The following CHRM3 variants were observed in gnomAD, a reference collection of about 807,000 sequenced individuals.
CHRM3 encodes the protein cholinergic receptor muscarinic 3, also known as muscarinic acetylcholine receptor M3.
CHRM3 carries 11 observed loss-of-function variants against 41.8 expected under a neutral mutation model. The ratio of observed to expected loss-of-function variants is 0.26; its 90% CI spans 0.17 to 0.44. CHRM3 has a LOEUF of 0.44. Among genes scored for constraint, CHRM3 ranks in the 20% least tolerant of loss-of-function variants. CHRM3 has a pLI of 1.00. For missense variants in CHRM3, 571 were observed against 745.4 expected (o/e 0.77, Z 2.72); for synonymous variants, 297 against 301.4 (o/e 0.99, Z 0.15).
chr1:239,617,266 C>A (rs1046523952), intron 3 of CHRM3, among the ~76,000 whole-genome samples: 1 of 152,178 alleles, frequency 6.6e-6, no homozygotes, highest in Non-Finnish European at 1.5e-5. Flanking sequence ...ATCTCTTTCT[C>A]GAATATTGTG....
intron 4 of CHRM3, among the ~76,000 whole-genome samples, chr1:239,635,030 T>C (rs1042467629): frequency 6.6e-6 from 1 of 152,234 alleles, no homozygotes; most frequent in African/African-American, 2.4e-5. Flanking sequence ...GCTACAGTTT[T>C]TATTTCTGGC....
In CHRM3 at chr1:239,408,875, G is replaced by A. The variant is rs193251477; in HGVS notation, c.-521+21648G>A. 3.3e-5 allele frequency among the ~76,000 whole-genome samples: 5 copies of A among 151,932 alleles called. No individual in the cohort carries two copies. The East Asian group carries it at 9.7e-4, about 30-fold the overall frequency. On this transcript the variant is annotated intron_variant, in intron 1 of 6. Coordinates refer to ENST00000676153, the MANE Select transcript of CHRM3 (RefSeq NM_001375978.1). ...GGACTCAAGCAGTCCTCCCGCTGCA[G>A]CCTCCCAAAATGCTAGGTTTATAGG...
rs879781050 is a variant in CHRM3 at position 239,776,624 on chromosome 1, G to A, written c.-146-50628G>A. Among the ~76,000 whole-genome samples, 24 of 152,204 alleles carry A rather than the reference G, an allele frequency of 1.6e-4. No individual in the cohort carries two copies. The South Asian group carries it at 3.1e-3, about 20-fold the overall frequency. On this transcript the variant is annotated intron_variant, in intron 5 of 6. Transcript: ENST00000676153. ...CCATGGGAAAAAATTCGCTAAATGA[G>A]GGCCATGCCAAGGTACTCACCATAT...
At chr1:239,793,219 A>G (rs1015767383) in intron 5 of CHRM3, among the ~76,000 whole-genome samples, 1 of 152,236 alleles carries the variant, frequency 6.6e-6, no homozygotes, top group Non-Finnish European at 1.5e-5. Flanking sequence ...ATCATTCTCC[A>G]GGGAATACTT....
rs1438064654 is a variant in CHRM3 at position 239,684,634 on chromosome 1, G to C, written c.-147+6346G>C. 2.0e-5 allele frequency among the ~76,000 whole-genome samples: 3 copies of C among 148,972 alleles called. No individual in the cohort carries two copies. The Admixed American group carries it at 2.1e-4, about 10-fold the overall frequency. On this transcript the variant is annotated intron_variant, in intron 5 of 6. Coordinates refer to ENST00000676153, the MANE Select transcript of CHRM3 (RefSeq NM_001375978.1). Reference sequence around the variant, plus strand: ...CCACTGCACTACAGCCTGGGCAACAGAGCGAGATTCCGTCTCAAAAAAAAG... The same window carrying C: ...CCACTGCACTACAGCCTGGGCAACACAGCGAGATTCCGTCTCAAAAAAAAG...
chr1:239,858,189 G>T (rs931525406), intron 6 of CHRM3, among the ~76,000 whole-genome samples: 1 of 152,070 alleles, frequency 6.6e-6, no homozygotes, highest in Non-Finnish European at 1.5e-5. Flanking sequence ...GCTCTCCCAC[G>T]CTGGCATCCT....
chr1:239,548,052 G>A (rs1441125625), intron 3 of CHRM3, among the ~76,000 whole-genome samples: 1 of 152,136 alleles, frequency 6.6e-6, no homozygotes, highest in Non-Finnish European at 1.5e-5. Context: ...GTGATGGGGA[G>A]TAAGGGCTTG....
intron 5 of CHRM3, among the ~76,000 whole-genome samples, chr1:239,762,401 T>C (rs1395539051): frequency 6.6e-6 from 1 of 152,194 alleles, no homozygotes; most frequent in African/African-American, 2.4e-5. Context: ...TTATGACACA[T>C]ACTTTTTGAA....
chr1:239,739,141 G>C (rs983994095), intron 5 of CHRM3, among the ~76,000 whole-genome samples: 2 of 152,190 alleles, frequency 1.3e-5, no homozygotes, highest in African/African-American at 4.8e-5. Context: ...TAGGTGCCCA[G>C]TTGGGCTTTT....
At chr1:239,395,677 A>G (rs1370804190) in intron 1 of CHRM3, among the ~76,000 whole-genome samples, 7 of 152,204 alleles carry the variant, frequency 4.6e-5, no homozygotes, top group Non-Finnish European at 1.5e-5. Flanking sequence ...ATTTCTAACC[A>G]GCCTTCAGGT....
intron 4 of CHRM3, among the ~76,000 whole-genome samples, chr1:239,638,928 A>T (rs1473471568): frequency 6.6e-6 from 1 of 152,134 alleles, no homozygotes; most frequent in Non-Finnish European, 1.5e-5. Flanking sequence ...TCCATCTTGA[A>T]TTAATTTTCA....
chr1:239,478,667 G>A (rs879790722), intron 1 of CHRM3, among the ~76,000 whole-genome samples: 4 of 152,172 alleles, frequency 2.6e-5, no homozygotes, highest in Admixed American at 2.6e-4. Flanking sequence ...ATGGATGGAT[G>A]AATGAGAAGA....
chr1:239,421,723 G>T (rs1020755821), intron 1 of CHRM3, among the ~76,000 whole-genome samples: 4 of 152,132 alleles, frequency 2.6e-5, no homozygotes, highest in Non-Finnish European at 1.5e-5. Context: ...CCAACCATCA[G>T]GGTGAAGCTT....
At chr1:239,720,499 A>G (rs528475776) in intron 5 of CHRM3, among the ~76,000 whole-genome samples, 1 of 152,072 alleles carries the variant, frequency 6.6e-6, no homozygotes, top group African/African-American at 2.4e-5. Context: ...CGTGCCACTC[A>G]ACGCCAGACT....
intron 5 of CHRM3, among the ~76,000 whole-genome samples, chr1:239,766,663 G>A (rs1381756774): frequency 1.6e-5 from 2 of 128,052 alleles, no homozygotes; most frequent in African/African-American, 6.1e-5. Flanking sequence ...TGATAGATAT[G>A]GATATAGATA....
chr1:239,443,417 A>G (rs1439712460), intron 1 of CHRM3, among the ~76,000 whole-genome samples: 1 of 152,174 alleles, frequency 6.6e-6, no homozygotes, highest in Non-Finnish European at 1.5e-5. Flanking sequence ...AATTTCTCTA[A>G]ATAAATAATT....
intron 3 of CHRM3, among the ~76,000 whole-genome samples, chr1:239,560,822 C>T (rs1404544321): frequency 6.6e-6 from 1 of 152,082 alleles, no homozygotes; most frequent in Admixed American, 6.6e-5. Flanking sequence ...TACTTGAATG[C>T]CTAACAAGTG....
rs1308514089 is a variant in CHRM3 at position 239,910,084 on chromosome 1, A to G, written c.*860A>G. The G allele has an allele frequency of 6.0e-6, 1 of 166,930 alleles. No homozygotes were observed. Among genetic ancestry groups the G allele is most frequent in the East Asian group, 1.9e-4 (1 of 5,178 alleles). The allele number at this position is 166,930 out of a possible 1,614,324, so 10.3% of individuals were successfully genotyped here. On this transcript the variant is annotated 3_prime_UTR_variant, in exon 7 of 7. Coordinates refer to ENST00000676153, the MANE Select transcript of CHRM3 (RefSeq NM_001375978.1). ...TCTGTGCAGAGCGGACAGGCTCGTG[A>G]GTCAGCTGAGCGCCGTGGCTTCGCC...
At chr1:239,812,078 C>A (rs1489100247) in intron 5 of CHRM3, among the ~76,000 whole-genome samples, 2 of 152,176 alleles carry the variant, frequency 1.3e-5, no homozygotes, top group African/African-American at 4.8e-5. Context: ...CTCCCTTTGT[C>A]ACCCAGGCTG....
Sources: allele counts gnomAD v4.1 joint callset (sites outside exome capture counted in the v4.1 genomes callset), GRCh38; gene constraint gnomAD v4.1.1; transcripts MANE v1.5; gene names NCBI Gene and HGNC (gene_info 2026-07-23, HGNC 2026-07-21).